MTCL3: variants seen among roughly 807,000 people sequenced by gnomAD.
MTCL3 encodes the protein MTCL family member 3.
the MTCL3 span, among the ~76,000 whole-genome samples, chr6:127,486,389 A>G: frequency 6.6e-6 from 1 of 152,174 alleles, no homozygotes; most frequent in African/African-American, 2.4e-5. Flanking sequence ...TCTGAATCCT[A>G]TGAAACAAAG....
At chr6:127,512,892 T>C in the MTCL3 span, 1 of 1,609,792 alleles carries the variant, frequency 6.2e-7, no homozygotes, top group Non-Finnish European at 8.5e-7. Context: ...AATACTAACC[T>C]CTTTCATTTT....
the MTCL3 span, chr6:127,475,502 C>CGGTGATGAT: frequency 6.2e-7 from 1 of 1,613,372 alleles, no homozygotes; most frequent in Non-Finnish European, 8.5e-7. This position sits in a 1 kb window ranked among gnomAD's most constrained non-coding sequence, Gnocchi z 7.3. Context: ...ATGCGCGCCT[C>CGGTGATGAT]GGTGATGATG....
At chr6:127,477,782 A>G in the MTCL3 span, among the ~76,000 whole-genome samples, 22 of 152,156 alleles carry the variant, frequency 1.4e-4, no homozygotes, top group Admixed American at 2.6e-4. Context: ...ATAGTATTAA[A>G]TACTTATATC....
At chr6:127,474,619 C>T in the MTCL3 span, among the ~76,000 whole-genome samples, 2 of 152,036 alleles carry the variant, frequency 1.3e-5, no homozygotes, top group Non-Finnish European at 2.9e-5. Context: ...TCACTCTTGC[C>T]CAGGCTGGAG....
At chr6:127,505,541 G>A in the MTCL3 span, among the ~76,000 whole-genome samples, 1 of 152,156 alleles carries the variant, frequency 6.6e-6, no homozygotes, top group East Asian at 1.9e-4. Context: ...GGAGGAGGGA[G>A]AGGATCAGGA....
the MTCL3 span, among the ~76,000 whole-genome samples, chr6:127,496,587 A>G: frequency 6.6e-6 from 1 of 152,246 alleles, no homozygotes; most frequent in African/African-American, 2.4e-5. Flanking sequence ...CTCAAGAGAA[A>G]TAAAAACATA....
the MTCL3 span, among the ~76,000 whole-genome samples, chr6:127,478,105 G>A: frequency 6.6e-6 from 1 of 152,102 alleles, no homozygotes; most frequent in African/African-American, 2.4e-5. Flanking sequence ...AGGAGAAGAG[G>A]GCATGTCATG....
the MTCL3 span, chr6:127,475,423 T>C: frequency 6.2e-7 from 1 of 1,613,230 alleles, no homozygotes; most frequent in South Asian, 1.1e-5. This position sits in a 1 kb window ranked among gnomAD's most constrained non-coding sequence, Gnocchi z 7.3. Context: ...GAGCAGCTCG[T>C]GCTCCCGGAT....
At chr6:127,493,978 T>C in the MTCL3 span, among the ~76,000 whole-genome samples, 2 of 152,222 alleles carry the variant, frequency 1.3e-5, no homozygotes, top group African/African-American at 2.4e-5. Flanking sequence ...TTGTAGAGCA[T>C]ACCCTTGAAC....
At chr6:127,499,507 A>T in the MTCL3 span, among the ~76,000 whole-genome samples, 441 of 152,370 alleles carry the variant, frequency 2.9e-3, 1 homozygote, top group African/African-American at 0.01. Context: ...AGAAGAAAAA[A>T]TAGAGCACAT....
chr6:127,486,408 T>G, the MTCL3 span, among the ~76,000 whole-genome samples: 2 of 152,204 alleles, frequency 1.3e-5, no homozygotes, highest in Non-Finnish European at 2.9e-5. Flanking sequence ...AGATGAGACA[T>G]TTCTATGGAT....
chr6:127,475,159 G>T, the MTCL3 span: 2 of 885,412 alleles, frequency 2.3e-6, no homozygotes, highest in East Asian at 2.9e-5. The surrounding 1 kb of genome is among the most constrained non-coding windows in gnomAD (Gnocchi z 7.3). Context: ...GGGGGTTTCA[G>T]GCCCCAGCGC....
the MTCL3 span, among the ~76,000 whole-genome samples, chr6:127,474,641 A>C: frequency 2.6e-4 from 39 of 152,126 alleles, no homozygotes; most frequent in African/African-American, 8.9e-4. Context: ...GCAGTAGTGC[A>C]ATCACCATTC....
At chr6:127,511,187 A>T in the MTCL3 span, among the ~76,000 whole-genome samples, 2 of 152,232 alleles carry the variant, frequency 1.3e-5, no homozygotes, top group Admixed American at 1.3e-4. Flanking sequence ...CGCAGCCCTC[A>T]GAAAGAACCA....
the MTCL3 span, among the ~76,000 whole-genome samples, chr6:127,484,664 G>A: frequency 2.6e-5 from 4 of 152,114 alleles, no homozygotes; most frequent in Non-Finnish European, 5.9e-5. Context: ...TGAAACCAAT[G>A]TGATCTTTGC....
chr6:127,518,616 AT>A, the MTCL3 span: 4 of 151,554 alleles, frequency 2.6e-5, no homozygotes, highest in African/African-American at 9.7e-5. Flanking sequence ...AGCTGAACAA[AT>A]CAACAGCACT....
At chr6:127,512,923 C>T in the MTCL3 span, 1 of 1,612,168 alleles carries the variant, frequency 6.2e-7, no homozygotes, top group African/African-American at 1.3e-5. Context: ...TTCTGTAAAG[C>T]TTGCTTTGCA....
chr6:127,516,087 G>GGCTCCTCCTCCTTCCCCGCCC, the MTCL3 span: 1 of 1,494,814 alleles, frequency 6.7e-7, no homozygotes, highest in South Asian at 1.3e-5. Flanking sequence ...AGCCGCCGCC[G>GGCTCCTCCTCCTTCCCCGCCC]GCTCCTCCTC....
chr6:127,476,554 T>TA, the MTCL3 span: 1 of 1,102,168 alleles, frequency 9.1e-7, no homozygotes, highest in South Asian at 1.7e-5. The surrounding 1 kb of genome is among the most constrained non-coding windows in gnomAD (Gnocchi z 4.4). Flanking sequence ...CCTGGATAAA[T>TA]AATTTTTCTT....
Sources: gnomAD v4.1 joint callset for allele counts (sites outside exome capture counted in the v4.1 genomes callset) on GRCh38, gnomAD v4.1.1 for gene constraint, Gnocchi (gnomAD v3.1) non-coding constraint, MANE v1.5 for transcripts, NCBI Gene and HGNC (gene_info 2026-07-23, HGNC 2026-07-21) for gene names.